Variants in TMEM130 observed in about 807,000 individuals in gnomAD.
The protein encoded by TMEM130 is transmembrane protein 130.
TMEM130 carries 37 observed loss-of-function variants against 42.9 expected under a neutral mutation model. That is an observed-to-expected ratio of 0.86 (90% CI 0.66 to 1.13). The LOEUF is 1.13. Ranked by LOEUF, TMEM130 falls within the 50% of genes most tolerant of loss-of-function variation. The pLI is 0.00. For missense variants in TMEM130, 545 were observed against 562.6 expected, an observed-to-expected ratio of 0.97 and a Z score of 0.32; for synonymous variants, 259 against 237.7, an observed-to-expected ratio of 1.09 and a Z score of -0.82.
rs1179088568 is a variant in TMEM130 at position 98,850,250 on chromosome 7, CATAT to C, written c.1006+1167_1006+1170del. On this transcript the variant is annotated intron_variant, in intron 6 of 7. Transcript: ENST00000339375. ...TCCCTCTCTCTCTCTCTGTCTCTCT[CATAT>C]ATATATATATATATATATATTTTTT... 6.0e-3 allele frequency among the ~76,000 whole-genome samples: 389 copies of C among 64,344 alleles called. 16 individuals carry two copies. Among genetic ancestry groups the C allele is most frequent in the Admixed American group, 0.012 (54 of 4,674 alleles). The allele number at this position is 64,344 out of a possible 152,430, so 42.2% of individuals were successfully genotyped here.
intron 4 of TMEM130, 110 bp from the exon 5 acceptor site, chr7:98,855,434 C>A: frequency 1.0e-6 from 1 of 985,068 alleles, no homozygotes. Flanking sequence ...CGTCCCTCTC[C>A]TAAGAGCAGG....
At position 98,863,481 on chromosome 7, in the gene TMEM130, C is replaced by A. The variant is rs1391803555; in HGVS notation, c.86-81G>T. The A allele has an allele frequency of 2.1e-5, 29 of 1,354,060 alleles. No individual in the cohort carries two copies. The East Asian group carries it at 7.0e-4, about 33-fold the overall frequency. 83.9% of individuals were successfully genotyped at this position (1,354,060 alleles called of 1,614,324 possible). A position where few individuals can be genotyped will look rare whatever the true frequency, so the allele number is the denominator to read the frequency against. Reference sequence around the variant, plus strand: ...ACAGCCACCTCTGGGCTGGCATCAACTATTCTATTTCCCAGGTGGAGAAAC... The same window carrying A: ...ACAGCCACCTCTGGGCTGGCATCAAATATTCTATTTCCCAGGTGGAGAAAC... On this transcript the variant is annotated intron_variant, in intron 1 of 7. Coordinates refer to ENST00000339375, the MANE Select transcript of TMEM130 (RefSeq NM_152913.3).
chr7:98,868,240 T>TTCA (rs1794952447), intron 1 of TMEM130, among the ~76,000 whole-genome samples: 2 of 152,164 alleles, frequency 1.3e-5, no homozygotes, highest in African/African-American at 4.8e-5. Flanking sequence ...AACAAACAAA[T>TTCA]TCATCTTTCC....
intron 6 of TMEM130, among the ~76,000 whole-genome samples, chr7:98,851,004 G>A (rs984204022): frequency 4.6e-5 from 7 of 152,128 alleles, no homozygotes; most frequent in Non-Finnish European, 7.3e-5. Flanking sequence ...GGTAGGGTCG[G>A]GGTCATTGAG....
chr7:98,849,277 T>C (rs1794434988), intron 6 of TMEM130, among the ~76,000 whole-genome samples: 1 of 152,190 alleles, frequency 6.6e-6, no homozygotes, highest in Non-Finnish European at 1.5e-5. Context: ...CTGAATAGGC[T>C]ACCTCATGCT....
At chr7:98,862,354 G>C (rs1440678056) in intron 2 of TMEM130, among the ~76,000 whole-genome samples, 1 of 151,376 alleles carries the variant, frequency 6.6e-6, no homozygotes, top group Non-Finnish European at 1.5e-5. Flanking sequence ...AACAGAGAGA[G>C]AAGGGACAGA....
intron 6 of TMEM130, among the ~76,000 whole-genome samples, chr7:98,850,273 A>ATATATTTTTTTTTTT: frequency 1.4e-4 from 5 of 35,472 alleles, no homozygotes; most frequent in African/African-American, 3.8e-4. Flanking sequence ...ATATATATAT[A>ATATATTTTTTTTTTT]TTTTTTTTTT....
At chr7:98,862,824 C>G (rs1050247779) in intron 2 of TMEM130, among the ~76,000 whole-genome samples, 1 of 152,172 alleles carries the variant, frequency 6.6e-6, no homozygotes, top group Non-Finnish European at 1.5e-5. Flanking sequence ...TTCTAACCAA[C>G]AGTACCTATT....
chr7:98,864,381 C>CTTT (rs77399182), intron 1 of TMEM130, among the ~76,000 whole-genome samples: 3,330 of 137,898 alleles, frequency 0.024, 56 homozygotes, highest in South Asian at 0.048. Flanking sequence ...TGATTTTTTT[C>CTTT]TTTTTTTTTT....
intron 6 of TMEM130, 25 bp downstream of exon 6, chr7:98,851,396 G>T: frequency 6.2e-7 from 1 of 1,611,990 alleles, no homozygotes; most frequent in South Asian, 1.1e-5. Context: ...TGTGGCACTG[G>T]AGCAGAAGGC....
In TMEM130 at chr7:98,847,656, G is replaced by C. The variant is rs1584230853; in HGVS notation, c.*400C>G. On this transcript the variant is annotated 3_prime_UTR_variant, in exon 8 of 8. Transcript: ENST00000339375. The stretch of plus-strand genomic sequence containing the variant: ...TTTCTAGCTCTCTGGCACAGGTAGG[G>C]CTGTCTGGGGGAGGAAACTGAGAAC... 1 of 166,126 alleles carries C rather than the reference G, an allele frequency of 6.0e-6. No individual in the cohort carries two copies. Among genetic ancestry groups the C allele is most frequent in the Non-Finnish European group, 1.3e-5 (1 of 77,628 alleles). 10.3% of individuals were successfully genotyped at this position (166,126 alleles called of 1,614,324 possible).
At chr7:98,866,024 C>T in intron 1 of TMEM130, 1 of 162,450 alleles carries the variant, frequency 6.2e-6, no homozygotes, top group Non-Finnish European at 1.4e-5. Flanking sequence ...TCTAAAATTG[C>T]ATCTCGGTCA....
At chr7:98,859,911 A>T (rs934583610) in intron 3 of TMEM130, among the ~76,000 whole-genome samples, 5 of 151,884 alleles carry the variant, frequency 3.3e-5, no homozygotes, top group African/African-American at 1.2e-4. Context: ...AATAAAAAAA[A>T]TACAAAAATT....
intron 2 of TMEM130, among the ~76,000 whole-genome samples, chr7:98,860,794 T>G (rs992217631): frequency 6.6e-6 from 1 of 151,120 alleles, no homozygotes; most frequent in Non-Finnish European, 1.5e-5. Context: ...AACACAAAAA[T>G]TAGCCAGGTG....
chr7:98,852,607 GT>G (rs1193643358), intron 5 of TMEM130, among the ~76,000 whole-genome samples: 2 of 150,060 alleles, frequency 1.3e-5, no homozygotes, highest in African/African-American at 2.4e-5. Context: ...TTTTTGTGGG[GT>G]TTTTTTGACA....
At chr7:98,852,979 G>A (rs781796528) in intron 5 of TMEM130, among the ~76,000 whole-genome samples, 9 of 152,156 alleles carry the variant, frequency 5.9e-5, no homozygotes, top group Non-Finnish European at 8.8e-5. Context: ...ATAAATGAAC[G>A]TTTGATGGGT....
chr7:98,847,798 A>T lies in TMEM130; in HGVS notation c.*258T>A. ...AAAGTCCTGCACGAAGCCTCTTCAA[A>T]GGTAGGGGGTCAAGGGGGTGGTAAC... is the stretch of plus-strand genomic sequence containing the variant. On this transcript the variant is annotated 3_prime_UTR_variant, in exon 8 of 8. Transcript: ENST00000339375. The T allele has an allele frequency of 2.9e-6, 1 of 344,796 alleles. No homozygotes were observed. Among genetic ancestry groups the T allele is most frequent in the Non-Finnish European group, 5.2e-6 (1 of 190,960 alleles). The allele number at this position is 344,796 out of a possible 1,614,324, so 21.4% of individuals were successfully genotyped here.
At chr7:98,857,047 G>A (rs1794650359) in intron 3 of TMEM130, among the ~76,000 whole-genome samples, 3 of 151,772 alleles carry the variant, frequency 2.0e-5, no homozygotes, top group Non-Finnish European at 4.4e-5. Flanking sequence ...TCAGCCTCCC[G>A]AGTAGCTGGG....
At chr7:98,863,941 A>T (rs1455529614) in intron 1 of TMEM130, among the ~76,000 whole-genome samples, 1 of 149,716 alleles carries the variant, frequency 6.7e-6, no homozygotes, top group Non-Finnish European at 1.5e-5. Context: ...TCTGTAACCC[A>T]GACTGGAGTA....
Sources: allele counts gnomAD v4.1 joint callset (sites outside exome capture counted in the v4.1 genomes callset), GRCh38; gene constraint gnomAD v4.1.1; transcripts MANE v1.5; gene names NCBI Gene and HGNC (gene_info 2026-07-23, HGNC 2026-07-21).